NF1: variants seen among roughly 807,000 people sequenced by gnomAD.
NF1 encodes the protein neurofibromin 1.
Under a neutral mutation model 325.7 loss-of-function variants are expected in NF1, and 122 were observed. The observed-to-expected ratio is 0.37, with a 90% CI of 0.32 to 0.44. NF1 has a LOEUF of 0.44. Ranked by LOEUF, NF1 falls within the 20% of genes least tolerant of loss-of-function variation. The pLI, the probability that NF1 is intolerant of heterozygous loss-of-function variation, is 1.00. For synonymous variants in NF1, 1,091 were observed against 1,186.0 expected, an observed-to-expected ratio of 0.92 and a Z score of 1.65; for missense variants, 2,140 against 3,415.4, an observed-to-expected ratio of 0.63 and a Z score of 9.31.
intron 51 of NF1, among the ~76,000 whole-genome samples, chr17:31,354,472 G>T (rs750400675): frequency 2.0e-5 from 3 of 152,186 alleles, no homozygotes; most frequent in African/African-American, 7.2e-5. Flanking sequence ...GATTGGAAAC[G>T]ACTGTATGCC....
At chr17:31,142,589 C>T (rs1385584985) in intron 1 of NF1, among the ~76,000 whole-genome samples, 2 of 152,052 alleles carry the variant, frequency 1.3e-5, no homozygotes, top group East Asian at 1.9e-4. Flanking sequence ...GAAATGAGGC[C>T]GGGCACTGTG....
intron 36 of NF1, chr17:31,296,933 A>AT (rs1036831749): frequency 2.6e-5 from 4 of 153,122 alleles, no homozygotes; most frequent in African/African-American, 7.2e-5. Flanking sequence ...TTATAAAGTG[A>AT]TTTTTTTCTG....
In NF1 at chr17:31,374,896, CA is replaced by C; in HGVS notation, c.*742del. ...TTCTAAGTCCTTATCCAAACTCAGT[CA>C]TCCAAACTAGTTTATTTTTTTCTCC... On this transcript the variant is annotated 3_prime_UTR_variant, in exon 58 of 58. Transcript: ENST00000358273. 4.4e-6 allele frequency: 1 copy of C among 227,896 alleles called. No homozygotes were observed. Among genetic ancestry groups the C allele is most frequent in the Non-Finnish European group, 8.7e-6 (1 of 114,400 alleles). 14.1% of individuals were successfully genotyped at this position (227,896 alleles called of 1,614,324 possible). A position where few individuals can be genotyped will look rare whatever the true frequency, so the allele number is the denominator to read the frequency against.
At chr17:31,104,266 C>T (rs1011656305) in intron 1 of NF1, among the ~76,000 whole-genome samples, 6 of 152,034 alleles carry the variant, frequency 3.9e-5, no homozygotes, top group South Asian at 2.1e-4. Flanking sequence ...TGCATTCTAA[C>T]GACATACTTT....
Position 31,227,250 on chromosome 17 carries a change from C to T in NF1, c.2284C>T (p.Leu762=), listed in dbSNP as rs370762336. ...AGCACTTCAGAAAAGAGTGATGGCA[C>T]TGCTGAGGCGCATTGAGCATCCCAC... ...RAALQKRVMA[L]LRRIEHPTAG... is the part of the protein sequence containing the mutation. Residue 762 remains leucine (L), a synonymous_variant, in exon 19 of 58, where the codon CTG becomes TTG. Transcript: ENST00000358273. 2 of 1,613,744 alleles carry T rather than the reference C, an allele frequency of 1.2e-6. No homozygotes were observed. The highest frequency in any genetic ancestry group is 1.3e-5 in the African/African-American group (1 of 75,010).
At chr17:31,371,151 G>GT (rs2070629261) in intron 57 of NF1, among the ~76,000 whole-genome samples, 1 of 152,022 alleles carries the variant, frequency 6.6e-6, no homozygotes, top group Non-Finnish European at 1.5e-5. Context: ...AGTTCATTCA[G>GT]TATTAATTGA....
intron 36 of NF1, among the ~76,000 whole-genome samples, chr17:31,276,762 A>G (rs2068018555): frequency 6.6e-6 from 1 of 152,132 alleles, no homozygotes; most frequent in Admixed American, 6.6e-5. Flanking sequence ...ACAGCACCAT[A>G]CCACTCTTAG....
At chr17:31,200,665 T>G (rs935360661) in intron 9 of NF1, 70 bp downstream of exon 9, 1 of 1,528,236 alleles carries the variant, frequency 6.5e-7, no homozygotes, top group African/African-American at 1.4e-5. Flanking sequence ...ATAAGTATTA[T>G]GTCAAAGATA....
At chr17:31,294,084 G>A (rs768269739) in intron 36 of NF1, among the ~76,000 whole-genome samples, 4 of 151,910 alleles carry the variant, frequency 2.6e-5, no homozygotes, top group South Asian at 2.1e-4. Context: ...GCCCAAGTTC[G>A]TCAGACCCAA....
At position 31,336,259 on chromosome 17, in the gene NF1, C is replaced by T. The variant is rs1040870062; in HGVS notation, c.6007-74C>T. On this transcript the variant is annotated intron_variant, in intron 40 of 57. Coordinates refer to ENST00000358273, the MANE Select transcript of NF1 (RefSeq NM_001042492.3). The surrounding 1 kb of genome is among the most constrained non-coding windows in gnomAD (Gnocchi z 5.5). ...GAATTTTCATATTGATTAGGCTGTT[C>T]CAATGAATATTTTTTAATTAAAAAT... 92 of 1,507,236 alleles carry T rather than the reference C, an allele frequency of 6.1e-5. No homozygotes were observed. Among genetic ancestry groups the T allele is most frequent in the Non-Finnish European group, 7.9e-5 (87 of 1,100,038 alleles). 93.4% of individuals were successfully genotyped at this position (1,507,236 alleles called of 1,614,324 possible). A position where few individuals can be genotyped will look rare whatever the true frequency, so the allele number is the denominator to read the frequency against.
chr17:31,226,272 C>T (rs904529809), intron 17 of NF1, among the ~76,000 whole-genome samples, 163 bp from the exon 18 acceptor site: 2 of 144,482 alleles, frequency 1.4e-5, no homozygotes, highest in South Asian at 2.2e-4. Flanking sequence ...TGAAAAATTC[C>T]TATAATGATT....
chr17:31,100,419 G>A (rs928797928), intron 1 of NF1, among the ~76,000 whole-genome samples: 1 of 152,096 alleles, frequency 6.6e-6, no homozygotes, highest in Non-Finnish European at 1.5e-5. Flanking sequence ...TTGAAAATGA[G>A]TACTCTTTTA....
intron 36 of NF1, among the ~76,000 whole-genome samples, chr17:31,274,345 A>C (rs575676581): frequency 3.3e-5 from 5 of 152,256 alleles, no homozygotes; most frequent in Middle Eastern, 6.8e-3. Context: ...TGTTTTCATC[A>C]TATTGGCCAG....
At position 31,208,618 on chromosome 17, in the gene NF1, C is replaced by T. The variant is rs545098123; in HGVS notation, c.1392+2247C>T. On this transcript the variant is annotated intron_variant, in intron 12 of 57. Transcript: ENST00000358273. Reference sequence around the variant, plus strand: ...CTAATGAAGAACTCAACACCGGACACGGTGGCTAACGTCTGTAATCCCAGC... The same window carrying T: ...CTAATGAAGAACTCAACACCGGACATGGTGGCTAACGTCTGTAATCCCAGC... 2.6e-5 allele frequency among the ~76,000 whole-genome samples: 4 copies of T among 152,196 alleles called. 1 individual carries two copies. Among genetic ancestry groups the T allele is most frequent in the Non-Finnish European group, 4.4e-5 (3 of 67,992 alleles).
intron 13 of NF1, among the ~76,000 whole-genome samples, chr17:31,217,346 A>G (rs1424014773): frequency 6.6e-6 from 1 of 150,494 alleles, no homozygotes; most frequent in African/African-American, 2.4e-5. Flanking sequence ...GAGTCTCACT[A>G]TATTGCCCAG....
At chr17:31,150,918 C>G (rs1916892471) in intron 1 of NF1, among the ~76,000 whole-genome samples, 1 of 151,812 alleles carries the variant, frequency 6.6e-6, no homozygotes, top group South Asian at 2.1e-4. Flanking sequence ...GCCTTTAATC[C>G]CAGCTACTAG....
At chr17:31,164,148 T>G (rs1039793206) in intron 4 of NF1, among the ~76,000 whole-genome samples, 2 of 152,248 alleles carry the variant, frequency 1.3e-5, no homozygotes, top group African/African-American at 4.8e-5. Flanking sequence ...AATTTCTAAG[T>G]CAGGCTGGCT....
Position 31,230,368 on chromosome 17 carries a change from A to G in NF1, c.3099A>G (p.Gln1033=), listed in dbSNP as rs2067092832. 1 of 1,613,498 alleles carries G rather than the reference A, an allele frequency of 6.2e-7. No individual in the cohort carries two copies. The highest frequency in any genetic ancestry group is 8.5e-7 in the Non-Finnish European group (1 of 1,179,572). ...MARRDDLSFC[Q]EMKFRNKMVE... Reference sequence around the variant, plus strand: ...GGAGAGATGACCTCTCATTTTGCCAAGAGATGAAATTTAGGTGAGTTCTCA... The same window carrying G: ...GGAGAGATGACCTCTCATTTTGCCAGGAGATGAAATTTAGGTGAGTTCTCA... Residue 1033 remains glutamine (Q), a synonymous_variant, in exon 23 of 58, where the codon CAA becomes CAG. Transcript: ENST00000358273.
At chr17:31,177,599 T>C (rs577837019) in intron 5 of NF1, among the ~76,000 whole-genome samples, 129 of 152,084 alleles carry the variant, frequency 8.5e-4, no homozygotes, top group African/African-American at 3.0e-3. Flanking sequence ...TCTAACCCAA[T>C]GCAAGGAAGC....
Sources: allele counts gnomAD v4.1 joint callset (sites outside exome capture counted in the v4.1 genomes callset), GRCh38; gene constraint gnomAD v4.1.1; non-coding constraint Gnocchi (gnomAD v3.1); transcripts MANE v1.5; gene names NCBI Gene and HGNC (gene_info 2026-07-23, HGNC 2026-07-21).